The following LHCGR variants were observed in gnomAD, a reference collection of about 807,000 sequenced individuals.
LHCGR encodes the protein lutropin-choriogonadotropic hormone receptor.
In LHCGR, 55 loss-of-function variants were observed where a neutral mutation model predicts 60.7. The ratio of observed to expected loss-of-function variants is 0.91; its 90% CI spans 0.73 to 1.13. The LOEUF (loss-of-function observed/expected upper bound fraction) is 1.13. Among genes scored for constraint, LHCGR ranks in the 50% most tolerant of loss-of-function variants. The pLI is 0.00. For missense variants in LHCGR, 862 were observed against 836.0 expected, an observed-to-expected ratio of 1.03 and a Z score of -0.38; for synonymous variants, 337 against 316.5, an observed-to-expected ratio of 1.06 and a Z score of -0.69.
intron 1 of LHCGR, among the ~76,000 whole-genome samples, chr2:48,752,981 C>CGGGGGGGG (rs60837194): frequency 5.2e-4 from 4 of 7,622 alleles, no homozygotes; most frequent in African/African-American, 2.5e-3. Flanking sequence ...CGGATTTTGG[C>CGGGGGGGG]GGGGGGGGGG....
rs370010927 is a variant in LHCGR, at chr2:48,688,766, G to T, written c.1031C>A (p.Ala344Asp). ...GFCLPKTPRC[A>D]PEPDAFNPCE... Reference sequence around the variant, plus strand: ...GGGATTAAAAGCATCTGGTTCAGGAGCACATCGGGGTGTCTTGGGTAAGCA... The same window carrying T: ...GGGATTAAAAGCATCTGGTTCAGGATCACATCGGGGTGTCTTGGGTAAGCA... The change falls in exon 11 of 11, where the codon GCT becomes GAT. Residue 344 changes from alanine to aspartate, a missense_variant. Transcript: ENST00000294954. The surrounding 1 kb of genome is among the most constrained non-coding windows in gnomAD (Gnocchi z 5.2). 8.1e-6 allele frequency: 13 copies of T among 1,613,940 alleles called. No homozygotes were observed. In the Admixed American group the frequency reaches 1.8e-4, roughly 23 times the overall value.
chr2:48,729,291 T>A, intron 2 of LHCGR, 64 bp from the exon 3 acceptor site: 1 of 1,276,430 alleles, frequency 7.8e-7, no homozygotes, highest in Non-Finnish European at 1.1e-6. Context: ...GTCTGCATGA[T>A]TATGAGCTAT....
chr2:48,723,872 C>G (rs963883989), intron 4 of LHCGR, among the ~76,000 whole-genome samples, 176 bp from the exon 5 acceptor site: 1 of 152,188 alleles, frequency 6.6e-6, no homozygotes, highest in South Asian at 2.1e-4. Flanking sequence ...AAGATTGTTG[C>G]AATTTAGAAG....
intron 8 of LHCGR, among the ~76,000 whole-genome samples, chr2:48,699,512 C>G (rs962246269): frequency 6.6e-6 from 1 of 152,118 alleles, no homozygotes; most frequent in Non-Finnish European, 1.5e-5. Context: ...GTGCTCTACC[C>G]CAGGGGAAAT....
chr2:48,745,494 C>G lies in LHCGR; in HGVS notation c.161+10017G>C, dbSNP rs1195406424. Among the ~76,000 whole-genome samples the G allele has an allele frequency of 2.0e-5, 3 of 152,218 alleles. No individual in the cohort carries two copies. In the East Asian group the frequency reaches 5.8e-4, roughly 29 times the overall value. On this transcript the variant is annotated intron_variant, in intron 1 of 10. Transcript: ENST00000294954. ...GGATTAAGAAAATGTGGCATATATA[C>G]AACATGGAATACCATACAGCCATAA...
intron 6 of LHCGR, chr2:48,721,350 G>A (rs1668485356): frequency 5.0e-6 from 1 of 201,834 alleles, no homozygotes; most frequent in African/African-American, 2.3e-5. Flanking sequence ...AGCCGGTAGA[G>A]CTGTGGTGTG....
intron 1 of LHCGR, among the ~76,000 whole-genome samples, chr2:48,752,043 AGAAAG>A (rs1330768687): frequency 6.6e-6 from 1 of 152,242 alleles, no homozygotes; most frequent in African/African-American, 2.4e-5. Flanking sequence ...AGAACTAATA[AGAAAG>A]GAAAGGAAAT....
At chr2:48,713,626 C>T (rs995663459) in intron 7 of LHCGR, among the ~76,000 whole-genome samples, 2 of 152,304 alleles carry the variant, frequency 1.3e-5, no homozygotes, top group South Asian at 4.1e-4. Context: ...TATCTGATTT[C>T]TCTGCAGTGG....
intron 2 of LHCGR, among the ~76,000 whole-genome samples, chr2:48,730,575 T>C (rs1040127458): frequency 1.3e-5 from 2 of 152,204 alleles, no homozygotes; most frequent in African/African-American, 4.8e-5. Flanking sequence ...GAGAACTCAA[T>C]GGCCATGAGG....
At chr2:48,706,828 G>C (rs542742128) in intron 8 of LHCGR, among the ~76,000 whole-genome samples, 1 of 152,114 alleles carries the variant, frequency 6.6e-6, no homozygotes, top group Non-Finnish European at 1.5e-5. Flanking sequence ...CTTGTGATGG[G>C]TTAGAACATG....
At position 48,688,203 on chromosome 2, in the gene LHCGR, G is replaced by A; in HGVS notation, c.1594C>T (p.Leu532=). Residue 532 remains leucine, a synonymous_variant, in exon 11 of 11, where the codon CTG becomes TTG. Transcript: ENST00000294954. This position sits in a 1 kb window ranked among gnomAD's most constrained non-coding sequence, Gnocchi z 5.2. ...TLSQVYILTI[L]ILNVVAFFII... is the part of the protein sequence containing the mutation. ...AAGAAGGCCACCACATTGAGAATCA[G>A]GATGGTTAATATATAGACTTGTGAG... 1 of 1,614,146 alleles carries A rather than the reference G, an allele frequency of 6.2e-7. No individual in the cohort carries two copies. Among genetic ancestry groups the A allele is most frequent in the Non-Finnish European group, 8.5e-7 (1 of 1,180,010 alleles).
intron 6 of LHCGR, among the ~76,000 whole-genome samples, chr2:48,716,223 C>A (rs1668244040): frequency 6.6e-6 from 1 of 152,166 alleles, no homozygotes; most frequent in African/African-American, 2.4e-5. Context: ...TTGGCAGATA[C>A]AAGGAGCTTA....
At chr2:48,712,134 C>T (rs1668023721) in intron 7 of LHCGR, among the ~76,000 whole-genome samples, 1 of 152,008 alleles carries the variant, frequency 6.6e-6, no homozygotes, top group South Asian at 2.1e-4. Flanking sequence ...GCCCACCTTT[C>T]TCAGAGGCTT....
At chr2:48,737,472 C>T (rs924414611) in intron 1 of LHCGR, among the ~76,000 whole-genome samples, 16 of 152,292 alleles carry the variant, frequency 1.1e-4, no homozygotes, top group African/African-American at 3.6e-4. Flanking sequence ...TTAAGAAGTT[C>T]TGTGTTCTTT....
intron 1 of LHCGR, among the ~76,000 whole-genome samples, chr2:48,741,174 A>G (rs201230449): frequency 6.6e-6 from 1 of 152,198 alleles, no homozygotes; most frequent in Non-Finnish European, 1.5e-5. Flanking sequence ...AAAGCCTCCA[A>G]GAAATATGGG....
At chr2:48,707,773 G>T (rs1385847765) in intron 8 of LHCGR, among the ~76,000 whole-genome samples, 1 of 152,236 alleles carries the variant, frequency 6.6e-6, no homozygotes, top group Non-Finnish European at 1.5e-5. Context: ...CTAGCAGCAA[G>T]AACTTCAAGC....
chr2:48,753,522 A>C (rs1670071809), intron 1 of LHCGR, among the ~76,000 whole-genome samples: 1 of 152,168 alleles, frequency 6.6e-6, no homozygotes, highest in African/African-American at 2.4e-5. Context: ...GTGGATGCTC[A>C]GGGTCTCTAC....
At chr2:48,729,279 G>T (rs761320762) in intron 2 of LHCGR, 52 bp from the exon 3 acceptor site, 2 of 1,350,884 alleles carry the variant, frequency 1.5e-6, no homozygotes, top group South Asian at 1.2e-5. Flanking sequence ...AGAAATGACC[G>T]TGTCTGCATG....
intron 10 of LHCGR, among the ~76,000 whole-genome samples, chr2:48,689,207 C>CAT (rs753469017): frequency 1.7e-4 from 25 of 151,154 alleles, no homozygotes; most frequent in East Asian, 3.9e-4. Context: ...TACATACATA[C>CAT]ATATATATAT....
Sources: gnomAD v4.1 joint callset for allele counts (sites outside exome capture counted in the v4.1 genomes callset) on GRCh38, gnomAD v4.1.1 for gene constraint, Gnocchi (gnomAD v3.1) non-coding constraint, MANE v1.5 for transcripts, NCBI Gene and HGNC (gene_info 2026-07-23, HGNC 2026-07-21) for gene names.